Variants in HOXB3 observed in about 807,000 individuals in gnomAD.
HOXB3 encodes the protein homeobox protein Hox-B3.
Under a neutral mutation model 29.2 loss-of-function variants are expected in HOXB3, and 17 were observed. The observed-to-expected ratio is 0.58, with a 90% CI of 0.40 to 0.87. The LOEUF (loss-of-function observed/expected upper bound fraction) is 0.87, where lower values mean the gene tolerates loss of function less well. HOXB3 is among the 40% of genes least tolerant of loss of function. The probability of loss-of-function intolerance (pLI) is 0.00; values close to 1 mark genes in which losing one functional copy is unlikely to be tolerated. For synonymous variants in HOXB3, 317 were observed against 285.9 expected (o/e 1.11, Z -1.10); for missense variants, 637 against 616.3 (o/e 1.03, Z -0.35).
chr17:48,570,265 A>G (rs2144850647), intron 2 of HOXB3, among the ~76,000 whole-genome samples: 1 of 152,338 alleles, frequency 6.6e-6, no homozygotes, highest in Admixed American at 6.5e-5. Context: ...AGAGAGACAC[A>G]CACAGACCCC....
In HOXB3 at chr17:48,550,395, G is replaced by A; in HGVS notation, c.1235C>T (p.Ser412Phe). ...ACCCTGAGGAGGAGGCGCGTGGTGA[G>A]AGGAGAGGTCTGTGTAGGTGGGGTG... The part of the protein sequence containing the change: ...EPHPTYTDLS[S>F]HHAPPPQGRI... The change falls in exon 5 of 5, where the codon TCT becomes TTT. Residue 412 changes from serine (S) to phenylalanine (F), a missense_variant. Transcript: ENST00000498678. 1 of 1,614,142 alleles carries A rather than the reference G, an allele frequency of 6.2e-7. No individual in the cohort carries two copies. The highest frequency in any genetic ancestry group is 1.1e-5 in the South Asian group (1 of 91,090).
intron 1 of HOXB3, among the ~76,000 whole-genome samples, chr17:48,585,058 G>A (rs2144916180): frequency 6.6e-6 from 1 of 151,924 alleles, no homozygotes; most frequent in African/African-American, 2.4e-5. Flanking sequence ...GCTACGCGCC[G>A]GCCGCAGAAA....
At chr17:48,579,610 A>G (rs1403843738) in intron 1 of HOXB3, 2 of 155,720 alleles carry the variant, frequency 1.3e-5, no homozygotes, top group African/African-American at 4.8e-5. Flanking sequence ...TAAAACTTCA[A>G]CAACAATAAC....
At chr17:48,555,331 AGAGG>A (rs2068923397) in intron 3 of HOXB3, 196 bp downstream of exon 3, 4 of 510,502 alleles carry the variant, frequency 7.8e-6, no homozygotes, top group African/African-American at 3.0e-5. Context: ...GGGGAGAGAG[AGAGG>A]GAGAGAGAGA....
chr17:48,552,578 C>CT lies in HOXB3; in HGVS notation c.-105_-104insA, dbSNP rs1324837263. 2.6e-5 allele frequency: 20 copies of CT among 759,794 alleles called. No individual in the cohort carries two copies. In the Admixed American group the frequency reaches 6.6e-4, roughly 25 times the overall value. 47.1% of individuals were successfully genotyped at this position (759,794 alleles called of 1,614,324 possible). On this transcript the variant is annotated 5_prime_UTR_variant, in exon 4 of 5. An upstream open reading frame in the 5' UTR gains an earlier in-frame stop. Coordinates refer to ENST00000498678, the MANE Select transcript of HOXB3 (RefSeq NM_001384749.1). ...GGTCACGTGACACGCCGGACCCCCCCCCCCCACCTCCCCTCTCTGCCCCCC... is the reference window on the plus strand; with the variant it reads ...GGTCACGTGACACGCCGGACCCCCCCTCCCCCACCTCCCCTCTCTGCCCCCC...
intron 3 of HOXB3, chr17:48,555,295 AAAG>A (rs1012536628): frequency 2.5e-5 from 14 of 551,068 alleles, no homozygotes; most frequent in African/African-American, 5.9e-5. Context: ...AGAGAGGAGA[AAAG>A]AGGAGAGAAG....
intron 1 of HOXB3, 169 bp from the exon 2 acceptor site, chr17:48,574,183 A>C (rs1338188742): frequency 1.7e-5 from 5 of 293,004 alleles, no homozygotes; most frequent in African/African-American, 1.1e-4. Context: ...TACCTTCCAA[A>C]GAGCAGCTTT....
At chr17:48,552,765 G>A (rs2068815244) in intron 3 of HOXB3, 133 bp from the exon 4 acceptor site, 1 of 374,264 alleles carries the variant, frequency 2.7e-6, no homozygotes, top group Non-Finnish European at 4.8e-6. Context: ...AGCAGATGCT[G>A]AGAAAAAAAA....
rs1242130796 is a variant in HOXB3 at position 48,549,167 on chromosome 17, A to G, written c.*1167T>C. On this transcript the variant is annotated 3_prime_UTR_variant, in exon 5 of 5. Coordinates refer to ENST00000498678, the MANE Select transcript of HOXB3 (RefSeq NM_001384749.1). ...ACAATGTCCTTTGTAACAGGTAAAT[A>G]CTAAAAAAGTACAATTTTTTCCTTT... The G allele has an allele frequency of 6.5e-6, 1 of 152,692 alleles. No individual in the cohort carries two copies. Among genetic ancestry groups the G allele is most frequent in the African/African-American group, 2.4e-5 (1 of 41,466 alleles). The allele number at this position is 152,692 out of a possible 1,614,324, so 9.5% of individuals were successfully genotyped here. A position where few individuals can be genotyped will look rare whatever the true frequency, so the allele number is the denominator to read the frequency against.
At chr17:48,559,295 C>G (rs539708109) in intron 2 of HOXB3, among the ~76,000 whole-genome samples, 1 of 152,326 alleles carries the variant, frequency 6.6e-6, no homozygotes, top group African/African-American at 2.4e-5. Context: ...CAAAAATTCT[C>G]TCAATAAGGG....
At chr17:48,588,692 A>T (rs1466742650) in intron 1 of HOXB3, among the ~76,000 whole-genome samples, 1 of 152,194 alleles carries the variant, frequency 6.6e-6, no homozygotes, top group African/African-American at 2.4e-5. Flanking sequence ...TTTCTAAGGG[A>T]TACAAATGCC....
chr17:48,576,881 G>A (rs975036413), intron 1 of HOXB3: 6 of 1,614,144 alleles, frequency 3.7e-6, no homozygotes, highest in Admixed American at 1.7e-5. Flanking sequence ...CGGAGAGGCA[G>A]AGCGCGTGGG....
At chr17:48,588,351 C>T (rs558390376) in intron 1 of HOXB3, among the ~76,000 whole-genome samples, 16 of 152,306 alleles carry the variant, frequency 1.1e-4, no homozygotes, top group Admixed American at 2.0e-4. Context: ...CTGGAAAATC[C>T]GACCAGATAT....
intron 1 of HOXB3, chr17:48,579,928 A>G: frequency 1.9e-6 from 1 of 519,530 alleles, no homozygotes; most frequent in Non-Finnish European, 3.9e-6. Flanking sequence ...TACAGGGTAT[A>G]TACAGAAGAC....
chr17:48,576,236 G>A (rs2069755008), intron 1 of HOXB3: 1 of 153,530 alleles, frequency 6.5e-6, no homozygotes, highest in Non-Finnish European at 1.5e-5. Flanking sequence ...CAGTAGCAGA[G>A]GCGGAGGCGG....
intron 4 of HOXB3, 57 bp from the exon 5 acceptor site, chr17:48,551,238 G>A (rs1168086002): frequency 1.6e-6 from 2 of 1,264,166 alleles, no homozygotes; most frequent in Non-Finnish European, 1.0e-6. Context: ...GATAATTACT[G>A]AACACGCCGA....
At chr17:48,577,646 C>G (rs1414298117) in intron 1 of HOXB3, among the ~76,000 whole-genome samples, 1 of 152,162 alleles carries the variant, frequency 6.6e-6, no homozygotes, top group Non-Finnish European at 1.5e-5. Context: ...GATGGGGAAC[C>G]TACTTCAAAG....
At chr17:48,564,459 C>G (rs1363231772) in intron 2 of HOXB3, among the ~76,000 whole-genome samples, 1 of 149,948 alleles carries the variant, frequency 6.7e-6, no homozygotes, top group Non-Finnish European at 1.5e-5. Flanking sequence ...CTTTGTTCGG[C>G]CTCCAGGGCC....
chr17:48,577,080 C>CT, intron 1 of HOXB3: 1 of 1,461,892 alleles, frequency 6.8e-7, no homozygotes, highest in Non-Finnish European at 9.2e-7. Context: ...AAGAGAGAGT[C>CT]CTTTCTTCCA....
Sources: gnomAD v4.1 joint callset for allele counts (sites outside exome capture counted in the v4.1 genomes callset) on GRCh38, gnomAD v4.1.1 for gene constraint, MANE v1.5 for transcripts, NCBI Gene and HGNC (gene_info 2026-07-23, HGNC 2026-07-21) for gene names.